YTHDF2: variants seen among roughly 807,000 people sequenced by gnomAD.
YTHDF2 encodes the protein YTH domain-containing family protein 2.
Under a neutral mutation model 50.4 loss-of-function variants are expected in YTHDF2, and 2 were observed. The observed-to-expected ratio is 0.04, with a 90% CI of 0.02 to 0.12. The LOEUF is 0.12. Among genes scored for constraint, YTHDF2 ranks in the 10% least tolerant of loss-of-function variants. The pLI is 1.00. For missense variants in YTHDF2, 483 were observed against 722.6 expected, an observed-to-expected ratio of 0.67 and a Z score of 3.80; for synonymous variants, 217 against 255.6, an observed-to-expected ratio of 0.85 and a Z score of 1.44.
chr1:28,755,009 A>G (rs930916665), intron 4 of YTHDF2, among the ~76,000 whole-genome samples: 3 of 151,846 alleles, frequency 2.0e-5, no homozygotes, highest in South Asian at 2.1e-4. Context: ...CTCAGAGACT[A>G]AACGAGATGC....
chr1:28,752,414 G>A (rs2087970210), intron 4 of YTHDF2, among the ~76,000 whole-genome samples: 1 of 152,082 alleles, frequency 6.6e-6, no homozygotes, highest in African/African-American at 2.4e-5. Context: ...GGCTGCCTCA[G>A]CCTCCCAAGT....
intron 4 of YTHDF2, among the ~76,000 whole-genome samples, chr1:28,751,395 T>C (rs1301311409): frequency 1.3e-5 from 2 of 152,206 alleles, no homozygotes; most frequent in Non-Finnish European, 2.9e-5. Context: ...ACTGTTTTAT[T>C]GACTCTTCAG....
At chr1:28,747,861 C>T (rs373193077) in intron 4 of YTHDF2, among the ~76,000 whole-genome samples, 1 of 151,440 alleles carries the variant, frequency 6.6e-6, no homozygotes, top group Non-Finnish European at 1.5e-5. Context: ...CGCGGTGGCT[C>T]ACGCCTGTAA....
chr1:28,768,906 C>T, intron 4 of YTHDF2, 23 bp from the exon 5 acceptor site: 1 of 1,572,922 alleles, frequency 6.4e-7, no homozygotes, highest in Non-Finnish European at 8.6e-7. Context: ...TTAACCATTT[C>T]AATTTTTTTC....
At chr1:28,737,943 G>C in intron 2 of YTHDF2, 1 of 581,618 alleles carries the variant, frequency 1.7e-6, no homozygotes, top group South Asian at 2.1e-5. Context: ...GTAGGTCTTA[G>C]AAGGCCTTTG....
intron 4 of YTHDF2, among the ~76,000 whole-genome samples, chr1:28,753,397 A>AAAAAAAAAAAC (rs2087987634): frequency 8.7e-6 from 1 of 114,890 alleles, no homozygotes; most frequent in African/African-American, 3.5e-5. Flanking sequence ...AAAAAAAAAA[A>AAAAAAAAAAAC]ATCAGCCAGG....
chr1:28,766,644 A>G (rs1273028664), intron 4 of YTHDF2, among the ~76,000 whole-genome samples: 2 of 152,070 alleles, frequency 1.3e-5, no homozygotes, highest in Non-Finnish European at 2.9e-5. Context: ...CTTGTTTCTC[A>G]TCAAACTGTC....
chr1:28,743,395 G>A lies in YTHDF2; in HGVS notation c.1125G>A (p.Gln375=), dbSNP rs1175458581. 4 of 1,614,170 alleles carry A rather than the reference G, an allele frequency of 2.5e-6. No individual in the cohort carries two copies. The South Asian group carries it at 3.3e-5, about 13-fold the overall frequency. The change falls in exon 4 of 5, where the codon CAG becomes CAA. Residue 375 remains glutamine (Q), a synonymous_variant. Coordinates refer to ENST00000373812, the MANE Select transcript of YTHDF2 (RefSeq NM_016258.3). The surrounding 1 kb of genome is among the most constrained non-coding windows in gnomAD (Gnocchi z 6.9). ...GVDGNGVGQS[Q]AGSGSTPSEP... is the part of the protein sequence containing the mutation. ...ATGGTAATGGAGTAGGACAGTCTCAGGCTGGTTCTGGATCTACTCCTTCAG... is the reference window on the plus strand; with the variant it reads ...ATGGTAATGGAGTAGGACAGTCTCAAGCTGGTTCTGGATCTACTCCTTCAG...
Position 28,748,948 on chromosome 1 carries a change from C to T in YTHDF2, c.1716+4962C>T, listed in dbSNP as rs1237923311. Reference sequence around the variant, plus strand: ...GAACATCCTTTTGTATAAATATTTACATCTGTCCTTTAGTAGTTAAATGTG... The same window carrying T: ...GAACATCCTTTTGTATAAATATTTATATCTGTCCTTTAGTAGTTAAATGTG... On this transcript the variant is annotated intron_variant, in intron 4 of 4. Transcript: ENST00000373812. Among the ~76,000 whole-genome samples, 8 of 152,220 alleles carry T rather than the reference C, an allele frequency of 5.3e-5. No individual in the cohort carries two copies. The Middle Eastern group carries it at 0.01, about 194-fold the overall frequency.
At chr1:28,760,331 G>A (rs1215945721) in intron 4 of YTHDF2, among the ~76,000 whole-genome samples, 1 of 150,968 alleles carries the variant, frequency 6.6e-6, no homozygotes, top group Non-Finnish European at 1.5e-5. Flanking sequence ...GTCTTGCTGT[G>A]TCGCCCAGGC....
At chr1:28,741,433 G>T (rs1333691756) in intron 3 of YTHDF2, among the ~76,000 whole-genome samples, 2 of 152,150 alleles carry the variant, frequency 1.3e-5, no homozygotes, top group African/African-American at 4.8e-5. Flanking sequence ...GAGTAGCTGG[G>T]CCTACAAGTG....
At chr1:28,760,452 A>T (rs1390432489) in intron 4 of YTHDF2, among the ~76,000 whole-genome samples, 1 of 151,702 alleles carries the variant, frequency 6.6e-6, no homozygotes, top group Non-Finnish European at 1.5e-5. Flanking sequence ...CCGCCACCAA[A>T]CCTGGCTAAT....
At chr1:28,754,152 AC>A (rs1262521806) in intron 4 of YTHDF2, among the ~76,000 whole-genome samples, 1 of 152,240 alleles carries the variant, frequency 6.6e-6, no homozygotes, top group Non-Finnish European at 1.5e-5. Context: ...TCATAGCCTT[AC>A]TTTAATCCCC....
chr1:28,755,125 T>C (rs2088017777), intron 4 of YTHDF2, among the ~76,000 whole-genome samples: 1 of 152,100 alleles, frequency 6.6e-6, no homozygotes, highest in Non-Finnish European at 1.5e-5. Context: ...TTGACTAGTT[T>C]TTCAAAAATT....
At chr1:28,758,128 G>C (rs1269322224) in intron 4 of YTHDF2, among the ~76,000 whole-genome samples, 1 of 151,986 alleles carries the variant, frequency 6.6e-6, no homozygotes. Flanking sequence ...CTAACTGGCC[G>C]GGTGTGGTGG....
chr1:28,768,394 GT>G (rs536124946), intron 4 of YTHDF2, among the ~76,000 whole-genome samples: 11 of 145,022 alleles, frequency 7.6e-5, no homozygotes, highest in Non-Finnish European at 7.6e-5. Context: ...GTGTGGGTTT[GT>G]TTTTTTTTTT....
intron 4 of YTHDF2, among the ~76,000 whole-genome samples, chr1:28,754,398 C>T (rs3120737): frequency 0.61 from 92,497 of 151,936 alleles, 29,248 homozygotes; most frequent in African/African-American, 0.74. Context: ...GGCGTGGTGA[C>T]GGGCGCCTGT....
chr1:28,737,214 C>T (rs1351793216), intron 1 of YTHDF2, 67 bp downstream of exon 1: 1 of 1,510,750 alleles, frequency 6.6e-7, no homozygotes, highest in Non-Finnish European at 8.9e-7. Flanking sequence ...AGGCCCGGGC[C>T]CGCCGCTCCT....
intron 4 of YTHDF2, among the ~76,000 whole-genome samples, chr1:28,753,862 A>C (rs2087997182): frequency 6.6e-6 from 1 of 151,804 alleles, no homozygotes; most frequent in Admixed American, 6.6e-5. Context: ...GCCTGTCACC[A>C]CGCCCAGCTA....
Sources: allele counts gnomAD v4.1 joint callset (sites outside exome capture counted in the v4.1 genomes callset), GRCh38; gene constraint gnomAD v4.1.1; non-coding constraint Gnocchi (gnomAD v3.1); transcripts MANE v1.5; gene names NCBI Gene and HGNC (gene_info 2026-07-23, HGNC 2026-07-21).